DIAPH3: variants seen among roughly 807,000 people sequenced by gnomAD.
DIAPH3 encodes the protein diaphanous related formin 3.
In DIAPH3, 117 loss-of-function variants were observed where a neutral mutation model predicts 144.3. The observed-to-expected ratio is 0.81, with a 90% CI of 0.70 to 0.95. The LOEUF (loss-of-function observed/expected upper bound fraction) is 0.95, where lower values mean the gene tolerates loss of function less well. Among genes scored for constraint, DIAPH3 ranks in the 40% least tolerant of loss-of-function variants. The pLI is 0.00. For synonymous variants in DIAPH3, 519 were observed against 488.9 expected, an observed-to-expected ratio of 1.06 and a Z score of -0.81; for missense variants, 1,421 against 1,412.7, an observed-to-expected ratio of 1.01 and a Z score of -0.09.
intron 11 of DIAPH3, among the ~76,000 whole-genome samples, chr13:59,991,745 G>A (rs2051832693): frequency 6.6e-6 from 1 of 151,934 alleles, no homozygotes; most frequent in African/African-American, 2.4e-5. Flanking sequence ...AGAGCAGCCA[G>A]TGACTAAGGC....
In DIAPH3 at chr13:59,843,675, C is replaced by A. The variant is rs536709373; in HGVS notation, c.2738-4227G>T. Among the ~76,000 whole-genome samples, 22 of 152,266 alleles carry A rather than the reference C, an allele frequency of 1.4e-4. No homozygotes were observed. The Middle Eastern group carries it at 0.01, about 71-fold the overall frequency. On this transcript the variant is annotated intron_variant, in intron 22 of 27. Transcript: ENST00000400324. ...CACTAAGCCATTTCTTGTGCTTCAC[C>A]AGAAGTCTCTGATTATTTGCACATT...
At chr13:59,677,309 G>A (rs954788289) in intron 27 of DIAPH3, among the ~76,000 whole-genome samples, 1 of 151,512 alleles carries the variant, frequency 6.6e-6, no homozygotes, top group Non-Finnish European at 1.5e-5. Context: ...TGGGTCCCTT[G>A]AGGACTCAAC....
chr13:60,097,252 A>T (rs569641812), intron 3 of DIAPH3, among the ~76,000 whole-genome samples: 1 of 152,170 alleles, frequency 6.6e-6, no homozygotes, highest in African/African-American at 2.4e-5. Flanking sequence ...TTGATCCCCA[A>T]TGTTGGAAGT....
In DIAPH3 at chr13:59,985,513, G is replaced by A. The variant is rs1202409872; in HGVS notation, c.1362-1626C>T. ...GAAGGAAATAAAGGGTATTCAATTA[G>A]GAAAAGAGGAAGTCAAATTGTCCCT... On this transcript the variant is annotated intron_variant, in intron 12 of 27. Coordinates refer to ENST00000400324, the MANE Select transcript of DIAPH3 (RefSeq NM_001042517.2). 4.4e-5 allele frequency among the ~76,000 whole-genome samples: 3 copies of A among 68,720 alleles called. No individual in the cohort carries two copies. In the East Asian group the frequency reaches 7.1e-4, roughly 16 times the overall value. The allele number at this position is 68,720 out of a possible 152,430, so 45.1% of individuals were successfully genotyped here. A position where few individuals can be genotyped will look rare whatever the true frequency, so the allele number is the denominator to read the frequency against.
Position 60,008,668 on chromosome 13 carries a change from C to G in DIAPH3, c.909-19G>C, listed in dbSNP as rs1319095593. The G allele has an allele frequency of 6.6e-7, 1 of 1,511,158 alleles. No individual in the cohort carries two copies. Among genetic ancestry groups the G allele is most frequent in the East Asian group, 2.3e-5 (1 of 44,310 alleles). 93.6% of individuals were successfully genotyped at this position (1,511,158 alleles called of 1,614,324 possible). On this transcript the variant is annotated intron_variant, in intron 8 of 27. Transcript: ENST00000400324. ...TTCAAGGCTATTGGAAAATTTGAGT[C>G]AATTAAATTGCAAGTAGCAAACACA...
At chr13:60,076,336 C>T (rs1209148035) in intron 4 of DIAPH3, among the ~76,000 whole-genome samples, 2 of 152,122 alleles carry the variant, frequency 1.3e-5, no homozygotes, top group Non-Finnish European at 2.9e-5. Context: ...GAAGAAACCC[C>T]CTCTGTCGAT....
intron 25 of DIAPH3, among the ~76,000 whole-genome samples, chr13:59,795,466 T>C (rs1205241293): frequency 6.6e-6 from 1 of 151,116 alleles, no homozygotes; most frequent in African/African-American, 2.4e-5. Flanking sequence ...TTTTTTTTTT[T>C]TTTTTTGAGA....
chr13:59,984,393 C>G lies in DIAPH3; in HGVS notation c.1362-506G>C, dbSNP rs142154847. Among the ~76,000 whole-genome samples, 120 of 151,750 alleles carry G rather than the reference C, an allele frequency of 7.9e-4. 2 individuals are homozygous for G. Among genetic ancestry groups the G allele is most frequent in the African/African-American group, 2.8e-3 (117 of 41,466 alleles). On this transcript the variant is annotated intron_variant, in intron 12 of 27. Transcript: ENST00000400324. Reference sequence around the variant, plus strand: ...TATATATAATATCAAATTCATATTTCTTACTCAAAGGGAAATAGAAAAATT... The same window carrying G: ...TATATATAATATCAAATTCATATTTGTTACTCAAAGGGAAATAGAAAAATT...
chr13:60,051,241 A>G (rs2056331882), intron 4 of DIAPH3, among the ~76,000 whole-genome samples: 1 of 152,108 alleles, frequency 6.6e-6, no homozygotes, highest in African/African-American at 2.4e-5. Flanking sequence ...AAATATATAT[A>G]TATGGTAATG....
intron 2 of DIAPH3, among the ~76,000 whole-genome samples, chr13:60,116,579 T>C (rs979872696): frequency 6.6e-6 from 1 of 151,402 alleles, no homozygotes; most frequent in African/African-American, 2.4e-5. Context: ...GTTCTTTACA[T>C]ACACACACAT....
chr13:59,828,046 A>G (rs2041551349), intron 24 of DIAPH3, among the ~76,000 whole-genome samples: 1 of 152,060 alleles, frequency 6.6e-6, no homozygotes, highest in African/African-American at 2.4e-5. Flanking sequence ...GCTATACAAC[A>G]CTACATGAAT....
chr13:60,082,160 TAAA>T (rs1218934851), intron 4 of DIAPH3, among the ~76,000 whole-genome samples: 1 of 147,544 alleles, frequency 6.8e-6, no homozygotes, highest in African/African-American at 2.5e-5. Flanking sequence ...AAAATAGAAA[TAAA>T]AAAATCATTT....
chr13:59,908,620 A>T (rs1193796536), intron 20 of DIAPH3, among the ~76,000 whole-genome samples: 1 of 152,122 alleles, frequency 6.6e-6, no homozygotes, highest in Admixed American at 6.5e-5. Context: ...GACTGAATTT[A>T]ATCTACTGTC....
intron 25 of DIAPH3, among the ~76,000 whole-genome samples, chr13:59,781,710 A>G (rs1354059070): frequency 2.0e-5 from 3 of 152,224 alleles, no homozygotes; most frequent in Non-Finnish European, 4.4e-5. Context: ...CAAATACTAA[A>G]CAAACTTTTT....
In DIAPH3 at chr13:59,701,170, G is replaced by A. The variant is rs548051758; in HGVS notation, c.3320-34324C>T. 3.9e-5 allele frequency among the ~76,000 whole-genome samples: 6 copies of A among 152,240 alleles called. No homozygotes were observed. The East Asian group carries it at 5.8e-4, about 15-fold the overall frequency. ...TTATCCTTCTGTTAATTTTAGTTGC[G>A]TGCATTCCATTGTACCTACCTTGAG... On this transcript the variant is annotated intron_variant, in intron 27 of 27. Transcript: ENST00000400324.
intron 25 of DIAPH3, among the ~76,000 whole-genome samples, chr13:59,806,312 A>T (rs1365063774): frequency 2.6e-5 from 4 of 152,018 alleles, no homozygotes; most frequent in Non-Finnish European, 5.9e-5. Flanking sequence ...TCTGTACTAA[A>T]ATATAACACC....
At chr13:60,063,773 C>T (rs1316740752) in intron 4 of DIAPH3, among the ~76,000 whole-genome samples, 2 of 151,988 alleles carry the variant, frequency 1.3e-5, no homozygotes, top group African/African-American at 2.4e-5. Context: ...CTAAAAAATA[C>T]ACAAAATTAG....
At chr13:60,041,456 A>G (rs2141186860) in intron 5 of DIAPH3, among the ~76,000 whole-genome samples, 1 of 152,354 alleles carries the variant, frequency 6.6e-6, no homozygotes, top group South Asian at 2.1e-4. Flanking sequence ...AAGTTGAAAT[A>G]TACTAAAGTT....
intron 26 of DIAPH3, 94 bp from the exon 27 acceptor site, chr13:59,774,342 T>C: frequency 9.5e-7 from 1 of 1,048,092 alleles, no homozygotes; most frequent in East Asian, 2.6e-5. Flanking sequence ...CAAGGTTATG[T>C]ATTTCTGGCA....
Sources: gnomAD v4.1 joint callset for allele counts (sites outside exome capture counted in the v4.1 genomes callset) on GRCh38, gnomAD v4.1.1 for gene constraint, MANE v1.5 for transcripts, NCBI Gene and HGNC (gene_info 2026-07-23, HGNC 2026-07-21) for gene names.